The following OOSP3 variants were observed in gnomAD, a reference collection of about 807,000 sequenced individuals.
OOSP3 encodes the protein oocyte secreted protein family member 3, also known as oocyte-secreted protein 3.
In OOSP3 at chr11:59,892,523, G is replaced by C. The variant is rs372085740; in HGVS notation, c.253-1556G>C. Among the ~76,000 whole-genome samples, 58 of 152,202 alleles carry C rather than the reference G, an allele frequency of 3.8e-4. 1 individual carries two copies. The East Asian group carries it at 4.2e-3, about 11-fold the overall frequency. ...TTGTTGGGAGATTTTGTGAAGCACTGGTTCTAATTCTTTTTTTACATGTTT... is the reference window on the plus strand; with the variant it reads ...TTGTTGGGAGATTTTGTGAAGCACTCGTTCTAATTCTTTTTTTACATGTTT... On this transcript the variant is annotated intron_variant, in intron 2 of 4. Coordinates refer to ENST00000646438, the Ensembl canonical transcript of OOSP3.
At chr11:59,889,613 G>T (rs1258220189) in intron 2 of OOSP3, among the ~76,000 whole-genome samples, 1 of 150,896 alleles carries the variant, frequency 6.6e-6, no homozygotes, top group Non-Finnish European at 1.5e-5. Context: ...GTTTTGAGTG[G>T]GTTTCTTAAT....
Position 59,885,984 on chromosome 11 carries a change from C to G in OOSP3, c.252+5545C>G, listed in dbSNP as rs141499115. Among the ~76,000 whole-genome samples the G allele has an allele frequency of 7.6e-3, 1,158 of 152,158 alleles. 18 individuals carry two copies. Among genetic ancestry groups the G allele is most frequent in the African/African-American group, 0.026 (1,089 of 41,500 alleles). ...TGCCATGGTGGTTTGCTGCAACTAT[C>G]AATCCATCACCTAGGTATCCAGCCC... is the stretch of plus-strand genomic sequence containing the variant. On this transcript the variant is annotated intron_variant, in intron 2 of 4. Coordinates refer to ENST00000646438, the Ensembl canonical transcript of OOSP3.
At chr11:59,896,217 C>A in exon 5 of OOSP3, 1 of 398,432 alleles carries the variant, frequency 2.5e-6, no homozygotes, top group South Asian at 1.3e-4. Context: ...ATTCTAGGTT[C>A]TTCCATGGCA....
chr11:59,880,228 A>G, intron 1 of OOSP3, 33 bp from the exon 2 acceptor site: 2 of 398,326 alleles, frequency 5.0e-6, no homozygotes, highest in South Asian at 1.3e-4. Context: ...TAAAATTGCT[A>G]TCTAAATGTT....
At chr11:59,888,657 G>T (rs1853283482) in intron 2 of OOSP3, among the ~76,000 whole-genome samples, 1 of 152,166 alleles carries the variant, frequency 6.6e-6, no homozygotes, top group Non-Finnish European at 1.5e-5. Flanking sequence ...CAACTTGATT[G>T]TGGTGTATAA....
Position 59,887,124 on chromosome 11 carries a change from GTTT to G in OOSP3, c.252+6694_252+6696del, listed in dbSNP as rs71036546. Among the ~76,000 whole-genome samples the G allele has an allele frequency of 5.1e-4, 73 of 142,700 alleles. No individual in the cohort carries two copies. In the South Asian group the frequency reaches 0.015, roughly 29 times the overall value. The allele number at this position is 142,700 out of a possible 152,430, so 93.6% of individuals were successfully genotyped here. A position where few individuals can be genotyped will look rare whatever the true frequency, so the allele number is the denominator to read the frequency against. On this transcript the variant is annotated intron_variant, in intron 2 of 4. Transcript: ENST00000646438. ...ACTTTTTAATGGTTTTTTTTTTGTT[GTTT>G]TTTTTTTTGTAAACTTGCTTAAGTT...
Position 59,894,391 on chromosome 11 carries a change from G to T in OOSP3, c.350+215G>T, listed in dbSNP as rs138066838. Among the ~76,000 whole-genome samples the T allele has an allele frequency of 7.9e-3, 1,203 of 152,168 alleles. 18 individuals carry two copies. Among genetic ancestry groups the T allele is most frequent in the African/African-American group, 0.027 (1,132 of 41,526 alleles). On this transcript the variant is annotated intron_variant, in intron 3 of 4. Coordinates refer to ENST00000646438, the Ensembl canonical transcript of OOSP3. The stretch of plus-strand genomic sequence containing the variant: ...GGACCCCCCCTTAATATTTCTGTTT[G>T]CCCCTCTCCCTGCTTCTGTGTGATC...
chr11:59,892,895 A>G (rs1853325758), intron 2 of OOSP3, among the ~76,000 whole-genome samples: 2 of 152,158 alleles, frequency 1.3e-5, no homozygotes, highest in African/African-American at 4.8e-5. Context: ...TTCTTGAATA[A>G]ATGCTCCTTG....
chr11:59,894,486 T>C (rs1186891278), intron 3 of OOSP3, among the ~76,000 whole-genome samples: 1 of 152,182 alleles, frequency 6.6e-6, no homozygotes, highest in Non-Finnish European at 1.5e-5. Context: ...TTCAGTGATT[T>C]GGGGGCATGA....
chr11:59,887,990 G>A (rs570445842), intron 2 of OOSP3, among the ~76,000 whole-genome samples: 2 of 152,158 alleles, frequency 1.3e-5, no homozygotes, highest in South Asian at 4.2e-4. Flanking sequence ...GCAGTGATTT[G>A]TAGTTCTCCT....
rs149331889 is a variant in OOSP3, at chr11:59,889,318, C to T, written c.253-4761C>T. 1.4e-3 allele frequency among the ~76,000 whole-genome samples: 209 copies of T among 151,420 alleles called. 1 individual carries two copies. The highest frequency in any genetic ancestry group is 4.6e-3 in the African/African-American group (189 of 41,240). On this transcript the variant is annotated intron_variant, in intron 2 of 4. Transcript: ENST00000646438. ...CTATTTCCTTCAGTTCTTCTCTGAG[C>T]TTGGCTATTTCTTGTCTTCTGCTAG...
chr11:59,888,209 A>G (rs186248739), intron 2 of OOSP3, among the ~76,000 whole-genome samples: 22 of 152,314 alleles, frequency 1.4e-4, no homozygotes, highest in East Asian at 3.9e-4. Context: ...GGCTGAGTCC[A>G]TGGGGTTTTC....
intron 2 of OOSP3, among the ~76,000 whole-genome samples, chr11:59,886,931 T>C (rs1853266724): frequency 6.6e-6 from 1 of 151,744 alleles, no homozygotes; most frequent in Non-Finnish European, 1.5e-5. Context: ...GCTGGGAGTA[T>C]AGGCGTGTGC....
At chr11:59,879,955 A>G (rs1400332114) in intron 1 of OOSP3, among the ~76,000 whole-genome samples, 1 of 152,144 alleles carries the variant, frequency 6.6e-6, no homozygotes, top group Non-Finnish European at 1.5e-5. Flanking sequence ...GGCTCCCCCA[A>G]TCCATGGGCA....
chr11:59,890,886 T>G (rs555494903), intron 2 of OOSP3, among the ~76,000 whole-genome samples: 1 of 152,354 alleles, frequency 6.6e-6, no homozygotes, highest in South Asian at 2.1e-4. Context: ...CAAACTTGGT[T>G]CCATCTTCCC....
intron 2 of OOSP3, among the ~76,000 whole-genome samples, chr11:59,886,292 C>A (rs1425972207): frequency 1.3e-5 from 2 of 152,314 alleles, no homozygotes; most frequent in East Asian, 3.9e-4. Context: ...TCCAATCTAT[C>A]ATTGATGGGC....
intron 2 of OOSP3, among the ~76,000 whole-genome samples, chr11:59,882,532 A>T (rs539537873): frequency 5.3e-5 from 8 of 152,318 alleles, no homozygotes; most frequent in African/African-American, 1.7e-4. Context: ...TTTCTTTCTT[A>T]GGTTTATAAT....
chr11:59,884,513 CTCTCTCTA>C (rs1323728757), intron 2 of OOSP3, among the ~76,000 whole-genome samples: 1 of 139,060 alleles, frequency 7.2e-6, no homozygotes, highest in Non-Finnish European at 1.6e-5. Flanking sequence ...CTCTCTCTCT[CTCTCTCTA>C]TGCAGTCTTA....
chr11:59,892,497 T>C (rs1303417978), intron 2 of OOSP3, among the ~76,000 whole-genome samples: 1 of 152,124 alleles, frequency 6.6e-6, no homozygotes, highest in Non-Finnish European at 1.5e-5. Flanking sequence ...TCCACTTCTA[T>C]TTGTTGGGAG....
Sources: allele counts gnomAD v4.1 joint callset (sites outside exome capture counted in the v4.1 genomes callset), GRCh38; gene constraint gnomAD v4.1.1; transcripts MANE v1.5; gene names NCBI Gene and HGNC (gene_info 2026-07-23, HGNC 2026-07-21).